The following PCDHA12 variants were observed in gnomAD, a reference collection of about 807,000 sequenced individuals.
PCDHA12 encodes the protein protocadherin alpha 12.
Under a neutral mutation model 60.0 loss-of-function variants are expected in PCDHA12, and 44 were observed. That is an observed-to-expected ratio of 0.73 (90% confidence interval 0.58 to 0.94). PCDHA12 has a LOEUF of 0.94. Among genes scored for constraint, PCDHA12 ranks in the 40% least tolerant of loss-of-function variants. The probability of loss-of-function intolerance (pLI) is 0.00; values close to 1 mark genes in which losing one functional copy is unlikely to be tolerated. For synonymous variants in PCDHA12, 569 were observed against 553.0 expected (o/e 1.03, Z -0.40); for missense variants, 1,276 against 1,239.7 (o/e 1.03, Z -0.44).
chr5:140,883,083 G>A (rs267600402), intron 1 of PCDHA12: 8 of 1,614,082 alleles, frequency 5.0e-6, no homozygotes, highest in Non-Finnish European at 6.8e-6. Flanking sequence ...CCTGATGATG[G>A]TACAAATGGA....
chr5:140,875,350 T>G lies in PCDHA12; in HGVS notation c.-123T>G, dbSNP rs1465566736. Reference sequence around the variant, plus strand: ...GGAATAGGATCGACTCCATAATGACTGTGATGCTGGAAAAAATTTACTAAA... The same window carrying G: ...GGAATAGGATCGACTCCATAATGACGGTGATGCTGGAAAAAATTTACTAAA... On this transcript the variant is annotated 5_prime_UTR_variant, in exon 1 of 4. Transcript: ENST00000398631. 6.9e-7 allele frequency: 1 copy of G among 1,444,966 alleles called. No homozygotes were observed. Among genetic ancestry groups the G allele is most frequent in the African/African-American group, 1.4e-5 (1 of 69,738 alleles). The allele number at this position is 1,444,966 out of a possible 1,614,324, so 89.5% of individuals were successfully genotyped here.
intron 1 of PCDHA12, among the ~76,000 whole-genome samples, chr5:140,912,341 G>GT (rs1430124831): frequency 9.5e-5 from 12 of 126,362 alleles, no homozygotes; most frequent in African/African-American, 4.2e-4. Flanking sequence ...AGTACACTAA[G>GT]TATTTTTTTT....
intron 1 of PCDHA12, among the ~76,000 whole-genome samples, chr5:140,974,769 T>C (rs1487371754): frequency 6.6e-6 from 1 of 152,238 alleles, no homozygotes; most frequent in Non-Finnish European, 1.5e-5. Context: ...ATTACAGGTA[T>C]GAGCCACTGC....
At chr5:140,884,732 A>G in intron 1 of PCDHA12, 2 of 1,448,046 alleles carry the variant, frequency 1.4e-6, no homozygotes, top group South Asian at 1.6e-5. Flanking sequence ...TGTTTAAGAC[A>G]TCTTTCCTGC....
Position 140,876,054 on chromosome 5 carries a change from A to C in PCDHA12, c.582A>C (p.Leu194Phe). ...TKKDKSILPE[L>F]VLRKLLDREQ... ...AAGATAAAAGTATATTGCCTGAATT[A>C]GTTCTTCGGAAGTTATTGGACAGAG... Residue 194 changes from leucine (L) to phenylalanine (F), a missense_variant, in exon 1 of 4, where the codon TTA (leucine) becomes TTC (phenylalanine). By Grantham distance (22) the Leu-to-Phe change is conservative. Coordinates refer to ENST00000398631, the MANE Select transcript of PCDHA12 (RefSeq NM_018903.4). The C allele has an allele frequency of 6.2e-7, 1 of 1,613,940 alleles. No individual in the cohort carries two copies. The highest frequency in any genetic ancestry group is 8.5e-7 in the Non-Finnish European group (1 of 1,179,888).
At chr5:140,897,591 T>C (rs542451957) in intron 1 of PCDHA12, among the ~76,000 whole-genome samples, 1 of 152,312 alleles carries the variant, frequency 6.6e-6, no homozygotes, top group African/African-American at 2.4e-5. Flanking sequence ...TCTGTCATTG[T>C]TGGACATTTG....
intron 1 of PCDHA12, chr5:140,927,653 G>A: frequency 6.2e-7 from 1 of 1,614,190 alleles, no homozygotes; most frequent in Non-Finnish European, 8.5e-7. Context: ...GTGTTATTCC[G>A]AGTTCAAGCC....
rs148906083 is a variant in PCDHA12, at chr5:140,906,715, A to C, written c.2367+28876A>C. ...CTGGGCCATTTGTAGTCCTGCCTGG[A>C]TTGTGCTGTTGTAGTTTCCCATTGA... On this transcript the variant is annotated intron_variant, in intron 1 of 3. Transcript: ENST00000398631. Among the ~76,000 whole-genome samples, 692 of 152,238 alleles carry C rather than the reference A, an allele frequency of 4.5e-3. 12 individuals carry two copies. The highest frequency in any genetic ancestry group is 0.027 in the Middle Eastern group (8 of 294).
In PCDHA12 at chr5:140,935,762, C is replaced by T. The variant is rs187194530; in HGVS notation, c.2368-43187C>T. Among the ~76,000 whole-genome samples the T allele has an allele frequency of 2.5e-3, 386 of 152,162 alleles. 3 individuals are homozygous for T. The highest frequency in any genetic ancestry group is 0.018 in the South Asian group (87 of 4,822). On this transcript the variant is annotated intron_variant, in intron 1 of 3. Transcript: ENST00000398631. ...TTATTCCATACAATACACATTCTTC[C>T]CCACTTTGAGTTTTTTCACTTAAAA... is the stretch of plus-strand genomic sequence containing the variant.
intron 1 of PCDHA12, among the ~76,000 whole-genome samples, chr5:140,945,351 A>C (rs1368185977): frequency 6.6e-6 from 1 of 152,138 alleles, no homozygotes; most frequent in Admixed American, 6.5e-5. Flanking sequence ...GGAAAAATTA[A>C]TACTGTTTAA....
At chr5:140,953,104 G>T (rs535123595) in intron 1 of PCDHA12, among the ~76,000 whole-genome samples, 1 of 152,244 alleles carries the variant, frequency 6.6e-6, no homozygotes, top group African/African-American at 2.4e-5. Flanking sequence ...CATGAGATTT[G>T]GGCAGGGACA....
Position 141,009,718 on chromosome 5 carries a change from A to C in PCDHA12, c.2607A>C (p.Gln869His). The change falls in exon 4 of 4, where the codon CAA becomes CAC. Residue 869 changes from glutamine to histidine, a missense_variant. Coordinates refer to ENST00000398631, the MANE Select transcript of PCDHA12 (RefSeq NM_018903.4). Reference protein sequence around the residue: ...TFKYGPGNPKQSGPGELPDKF... With the variant: ...TFKYGPGNPKHSGPGELPDKF... Reference sequence around the variant, plus strand: ...AATACGGACCAGGCAACCCCAAACAATCCGGTCCCGGTGAGTTGCCCGACA... The same window carrying C: ...AATACGGACCAGGCAACCCCAAACACTCCGGTCCCGGTGAGTTGCCCGACA... 6.2e-7 allele frequency: 1 copy of C among 1,614,044 alleles called. No individual in the cohort carries two copies. Among genetic ancestry groups the C allele is most frequent in the Non-Finnish European group, 8.5e-7 (1 of 1,180,018 alleles).
chr5:140,882,972 T>C, intron 1 of PCDHA12: 1 of 1,614,190 alleles, frequency 6.2e-7, no homozygotes, highest in Non-Finnish European at 8.5e-7. Context: ...ATTCTGGACG[T>C]GAATGACAAC....
chr5:140,889,720 T>C (rs1259294888), intron 1 of PCDHA12, among the ~76,000 whole-genome samples: 1 of 152,240 alleles, frequency 6.6e-6, no homozygotes, highest in African/African-American at 2.4e-5. Context: ...TCTTTGCTAC[T>C]GTCTCACTGA....
chr5:140,978,440 T>C, intron 1 of PCDHA12, among the ~76,000 whole-genome samples: 1 of 152,244 alleles, frequency 6.6e-6, no homozygotes. Context: ...GCTGGTGTTA[T>C]GACTGGGCAC....
At chr5:140,901,906 G>T (rs1275600408) in intron 1 of PCDHA12, among the ~76,000 whole-genome samples, 1 of 151,902 alleles carries the variant, frequency 6.6e-6, no homozygotes, top group Non-Finnish European at 1.5e-5. Context: ...TCATTGTGGA[G>T]ATCTTTCACT....
chr5:140,901,139 A>G (rs1186725760), intron 1 of PCDHA12, among the ~76,000 whole-genome samples: 1 of 151,726 alleles, frequency 6.6e-6, no homozygotes, highest in Non-Finnish European at 1.5e-5. Context: ...GATTGTAAAT[A>G]TTTTCTCTCA....
chr5:140,896,406 C>CT (rs35238776), intron 1 of PCDHA12, among the ~76,000 whole-genome samples: 1 of 152,100 alleles, frequency 6.6e-6, no homozygotes, highest in Non-Finnish European at 1.5e-5. Flanking sequence ...TTATTTTTGA[C>CT]TTTTTAGTAA....
chr5:140,937,099 G>T (rs890589684), intron 1 of PCDHA12, among the ~76,000 whole-genome samples: 1 of 149,656 alleles, frequency 6.7e-6, no homozygotes, highest in Non-Finnish European at 1.5e-5. Flanking sequence ...GTGCAGTGGC[G>T]CAGTCTCGGC....
Sources: allele counts gnomAD v4.1 joint callset (sites outside exome capture counted in the v4.1 genomes callset), GRCh38; gene constraint gnomAD v4.1.1; transcripts MANE v1.5; gene names NCBI Gene and HGNC (gene_info 2026-07-23, HGNC 2026-07-21).